RASSF5: variants seen among roughly 807,000 people sequenced by gnomAD.
RASSF5 encodes ras association domain-containing protein 5.
RASSF5 carries 25 observed loss-of-function variants against 40.5 expected under a neutral mutation model. The ratio of observed to expected loss-of-function variants is 0.62; its 90% CI spans 0.45 to 0.86. The LOEUF (loss-of-function observed/expected upper bound fraction) is 0.86. Ranked by LOEUF, RASSF5 falls within the 40% of genes least tolerant of loss-of-function variation. The pLI, the probability that RASSF5 is intolerant of heterozygous loss-of-function variation, is 0.00. For missense variants in RASSF5, 521 were observed against 572.8 expected (o/e 0.91, Z 0.92); for synonymous variants, 246 against 252.4 (o/e 0.97, Z 0.24).
intron 2 of RASSF5, among the ~76,000 whole-genome samples, chr1:206,562,480 C>T (rs1365734942): frequency 7.9e-5 from 12 of 152,224 alleles, no homozygotes; most frequent in African/African-American, 2.9e-4. Context: ...TTCAGACTGG[C>T]ACAGCCTCCA....
Position 206,523,803 on chromosome 1 carries a change from G to A in RASSF5, c.458-14369G>A, listed in dbSNP as rs1448887071. 8.8e-5 allele frequency among the ~76,000 whole-genome samples: 8 copies of A among 90,634 alleles called. No homozygotes were observed. In the East Asian group the frequency reaches 1.2e-3, roughly 14 times the overall value. 59.5% of individuals were successfully genotyped at this position (90,634 alleles called of 152,430 possible). A position where few individuals can be genotyped will look rare whatever the true frequency, so the allele number is the denominator to read the frequency against. ...ATATATAATATATTTTATATATAAT[G>A]TACAATATATTTTATATATTATATA... is the stretch of plus-strand genomic sequence containing the variant. On this transcript the variant is annotated intron_variant, in intron 1 of 5. Transcript: ENST00000579436.
At position 206,507,643 on chromosome 1, in the gene RASSF5, C is replaced by T. The variant is rs781952718; in HGVS notation, c.41C>T (p.Pro14Leu). The change falls in exon 1 of 6, where the codon CCG becomes CTG. Residue 14 changes from proline to leucine, a missense_variant. Transcript: ENST00000579436. ...CCGGCCATCGGGCAGCGCCCGTACC[C>T]GCTACTATTGGACCCCGAGCCGCCG... ...ASPAIGQRPY[P>L]LLLDPEPPRY... 6.5e-6 allele frequency: 10 copies of T among 1,535,314 alleles called. No homozygotes were observed. Among genetic ancestry groups the T allele is most frequent in the Middle Eastern group, 1.8e-4 (1 of 5,556 alleles).
intron 2 of RASSF5, among the ~76,000 whole-genome samples, chr1:206,582,559 A>G (rs1668935997): frequency 1.3e-5 from 2 of 152,218 alleles, no homozygotes; most frequent in South Asian, 4.1e-4. Flanking sequence ...AGAAGTGCTA[A>G]GTAAATTCTA....
intron 2 of RASSF5, among the ~76,000 whole-genome samples, chr1:206,565,235 GC>G (rs1259431093): frequency 6.6e-6 from 1 of 151,984 alleles, no homozygotes; most frequent in East Asian, 1.9e-4. Flanking sequence ...CTCTGTCCCC[GC>G]CTCACCCTGT....
In RASSF5 at chr1:206,589,067, G is replaced by C. The variant is rs1434912036; in HGVS notation, c.*2089G>C. On this transcript the variant is annotated 3_prime_UTR_variant, in exon 6 of 6. Transcript: ENST00000579436. ...TTCAGACTTTACTAAAGCACAGTTAGACCCAAGGCCTATGCTGAGGTCTAA... is the reference window on the plus strand; with the variant it reads ...TTCAGACTTTACTAAAGCACAGTTACACCCAAGGCCTATGCTGAGGTCTAA... 6.5e-6 allele frequency: 1 copy of C among 152,776 alleles called. No individual in the cohort carries two copies. The highest frequency in any genetic ancestry group is 1.5e-5 in the Non-Finnish European group (1 of 68,044). 9.5% of individuals were successfully genotyped at this position (152,776 alleles called of 1,614,324 possible). A position where few individuals can be genotyped will look rare whatever the true frequency, so the allele number is the denominator to read the frequency against.
chr1:206,577,070 C>CA (rs1278595838), intron 2 of RASSF5, among the ~76,000 whole-genome samples: 1 of 151,786 alleles, frequency 6.6e-6, no homozygotes, highest in Non-Finnish European at 1.5e-5. Flanking sequence ...CTTGGCCTCT[C>CA]AAAGTGCTGG....
intron 1 of RASSF5, chr1:206,528,845 C>G: frequency 2.3e-6 from 1 of 440,598 alleles, no homozygotes; most frequent in Non-Finnish European, 4.0e-6. Flanking sequence ...TGAGACCAGC[C>G]TGGGCAACAT....
chr1:206,580,733 TG>T (rs1221419848), intron 2 of RASSF5: 5 of 152,198 alleles, frequency 3.3e-5, no homozygotes, highest in Non-Finnish European at 5.9e-5. Context: ...TGCCCTTGGG[TG>T]GTCTGCAACA....
rs1231789864 is a variant in RASSF5 at position 206,531,215 on chromosome 1, C to T, written c.458-6957C>T. ...AACAAAGGGCAGCAGAGAAGCATTCCTTCCTTTAGTCACTCAACCAATTTG... is the reference window on the plus strand; with the variant it reads ...AACAAAGGGCAGCAGAGAAGCATTCTTTCCTTTAGTCACTCAACCAATTTG... On this transcript the variant is annotated intron_variant, in intron 1 of 5. Transcript: ENST00000579436. This position sits in a 1 kb window ranked among gnomAD's most constrained non-coding sequence, Gnocchi z 4.7. Among the ~76,000 whole-genome samples, 1 of 152,222 alleles carries T rather than the reference C, an allele frequency of 6.6e-6. No homozygotes were observed. The highest frequency in any genetic ancestry group is 1.5e-5 in the Non-Finnish European group (1 of 68,024).
In RASSF5 at chr1:206,513,136, T is replaced by C. The variant is rs1553394906; in HGVS notation, c.457+5077T>C. On this transcript the variant is annotated intron_variant, in intron 1 of 5. Coordinates refer to ENST00000579436, the MANE Select transcript of RASSF5 (RefSeq NM_182663.4). The surrounding 1 kb of genome is among the most constrained non-coding windows in gnomAD (Gnocchi z 5.0). ...TCAGCACCTCTGTGTGAGAGGCTGC[T>C]ACCTGAGGTGGGATGGCCATGGGTG... Among the ~76,000 whole-genome samples the C allele has an allele frequency of 6.6e-6, 1 of 152,198 alleles. No individual in the cohort carries two copies. Among genetic ancestry groups the C allele is most frequent in the African/African-American group, 2.4e-5 (1 of 41,462 alleles).
intron 2 of RASSF5, among the ~76,000 whole-genome samples, chr1:206,540,724 A>G (rs1456469016): frequency 1.4e-4 from 21 of 152,298 alleles, no homozygotes; most frequent in African/African-American, 5.1e-4. Flanking sequence ...AAATCTCAAG[A>G]TGGAGCTTTC....
At position 206,538,391 on chromosome 1, in the gene RASSF5, A is replaced by T. The variant is rs548904320; in HGVS notation, c.579+98A>T. 4.6e-6 allele frequency: 7 copies of T among 1,519,444 alleles called. No individual in the cohort carries two copies. The East Asian group carries it at 1.6e-4, about 34-fold the overall frequency. 94.1% of individuals were successfully genotyped at this position (1,519,444 alleles called of 1,614,324 possible). ...GGAGCTCTGGTGAGCAGGAGGTGGC[A>T]TGAGGCCTCAGATTCCACATGCACT... is the stretch of plus-strand genomic sequence containing the variant. On this transcript the variant is annotated intron_variant, in intron 2 of 5. Coordinates refer to ENST00000579436, the MANE Select transcript of RASSF5 (RefSeq NM_182663.4).
chr1:206,508,987 C>T (rs1666543063), intron 1 of RASSF5, among the ~76,000 whole-genome samples: 1 of 152,188 alleles, frequency 6.6e-6, no homozygotes, highest in Admixed American at 6.5e-5. Context: ...CCTCCACCCC[C>T]ACCCCGGCAT....
chr1:206,587,391 A>G lies in RASSF5; in HGVS notation c.*413A>G, dbSNP rs1166967642. 2.1e-5 allele frequency: 6 copies of G among 289,096 alleles called. No individual in the cohort carries two copies. The highest frequency in any genetic ancestry group is 3.4e-5 in the Non-Finnish European group (5 of 148,376). 17.9% of individuals were successfully genotyped at this position (289,096 alleles called of 1,614,324 possible). On this transcript the variant is annotated 3_prime_UTR_variant, in exon 6 of 6. Transcript: ENST00000579436. ...TTGAGTTCTCTTACTTGCCACGTAC[A>G]GGACCATTATTTATGAGTGAAAAGT...
chr1:206,578,444 C>T (rs957659698), intron 2 of RASSF5, among the ~76,000 whole-genome samples: 8 of 151,940 alleles, frequency 5.3e-5, no homozygotes, highest in Admixed American at 1.3e-4. Flanking sequence ...GAATAGTGCA[C>T]GGTACATATT....
intron 2 of RASSF5, among the ~76,000 whole-genome samples, chr1:206,561,120 G>T (rs1668126018): frequency 1.3e-5 from 2 of 152,176 alleles, no homozygotes; most frequent in Admixed American, 1.3e-4. Flanking sequence ...CAGAGCATTG[G>T]GGTGAGTGCT....
intron 2 of RASSF5, among the ~76,000 whole-genome samples, chr1:206,547,929 C>T (rs1667738682): frequency 6.6e-6 from 1 of 152,040 alleles, no homozygotes; most frequent in Non-Finnish European, 1.5e-5. Flanking sequence ...CTTTCTTTAA[C>T]ATTTCTTGTA....
chr1:206,584,044 A>C lies in RASSF5; in HGVS notation c.691-343A>C, dbSNP rs1316215863. On this transcript the variant is annotated intron_variant, in intron 3 of 5. Transcript: ENST00000579436. This position sits in a 1 kb window ranked among gnomAD's most constrained non-coding sequence, Gnocchi z 4.9. ...AGCCTTCCTGCTTCCTGCCTGGTTC[A>C]GAGGTACAAACTAGAGTGGCTACCC... is the stretch of plus-strand genomic sequence containing the variant. 1.3e-5 allele frequency among the ~76,000 whole-genome samples: 2 copies of C among 152,146 alleles called. No individual in the cohort carries two copies. The highest frequency in any genetic ancestry group is 4.8e-5 in the African/African-American group (2 of 41,426).
At chr1:206,575,601 A>G (rs1553405058) in intron 2 of RASSF5, among the ~76,000 whole-genome samples, 1 of 152,138 alleles carries the variant, frequency 6.6e-6, no homozygotes, top group African/African-American at 2.4e-5. Context: ...GCTAGCCTCC[A>G]AGAGGCCCCC....
Sources: gnomAD v4.1 joint callset for allele counts (sites outside exome capture counted in the v4.1 genomes callset) on GRCh38, gnomAD v4.1.1 for gene constraint, Gnocchi (gnomAD v3.1) non-coding constraint, MANE v1.5 for transcripts, NCBI Gene and HGNC (gene_info 2026-07-23, HGNC 2026-07-21) for gene names.